The following ANO3 variants were observed in gnomAD, a reference collection of about 807,000 sequenced individuals.
The protein encoded by ANO3 is anoctamin-3.
ANO3 carries 99 observed loss-of-function variants against 144.8 expected under a neutral mutation model. That is an observed-to-expected ratio of 0.68 (90% confidence interval 0.58 to 0.81). The LOEUF (loss-of-function observed/expected upper bound fraction) is 0.81. ANO3 is among the 30% of genes least tolerant of loss of function. The pLI, the probability that ANO3 is intolerant of heterozygous loss-of-function variation, is 0.00. For missense variants in ANO3, 905 were observed against 1,202.2 expected (o/e 0.75, Z 3.66); for synonymous variants, 414 against 392.6 (o/e 1.05, Z -0.64).
chr11:26,507,499 T>G (rs2134135768), intron 4 of ANO3, among the ~76,000 whole-genome samples: 1 of 152,320 alleles, frequency 6.6e-6, no homozygotes, highest in South Asian at 2.1e-4. Context: ...GGAACAAGTA[T>G]TTCCCAGAGC....
chr11:26,503,873 G>A (rs10834991), intron 4 of ANO3, among the ~76,000 whole-genome samples: 91,016 of 151,206 alleles, frequency 0.6, 27,944 homozygotes, highest in East Asian at 0.68. Context: ...AAAGCATATA[G>A]AATACTTTTA....
At chr11:26,253,577 A>C (rs78111945) in intron 1 of ANO3, among the ~76,000 whole-genome samples, 1 of 151,790 alleles carries the variant, frequency 6.6e-6, no homozygotes, top group Non-Finnish European at 1.5e-5. Context: ...AAAAAAAAAA[A>C]CCTCACTGGA....
intron 1 of ANO3, among the ~76,000 whole-genome samples, chr11:26,355,862 C>G (rs551661670): frequency 6.6e-6 from 1 of 152,056 alleles, no homozygotes; most frequent in Non-Finnish European, 1.5e-5. Context: ...GCCAAGCCCC[C>G]GCCGAAAATT....
chr11:26,466,065 T>C (rs1859592034), intron 4 of ANO3, among the ~76,000 whole-genome samples: 1 of 151,924 alleles, frequency 6.6e-6, no homozygotes, highest in Non-Finnish European at 1.5e-5. Flanking sequence ...TGAAGGGACA[T>C]TGATAAATAA....
chr11:26,653,615 C>T lies in ANO3; in HGVS notation c.2577-2510C>T, dbSNP rs142107800. ...GAGCTTCTTCTCTGAGCTCGTTTTC[C>T]GGCACTATTTCCCTCCCTCCCTTTG... is the stretch of plus-strand genomic sequence containing the variant. On this transcript the variant is annotated intron_variant, in intron 24 of 26. Coordinates refer to ENST00000256737, the MANE Select transcript of ANO3 (RefSeq NM_031418.4). 1.9e-4 allele frequency among the ~76,000 whole-genome samples: 29 copies of T among 152,028 alleles called. 1 individual carries two copies. The highest frequency in any genetic ancestry group is 1.9e-4 in the African/African-American group (8 of 41,450).
At chr11:26,554,806 C>T (rs549528719) in intron 13 of ANO3, among the ~76,000 whole-genome samples, 1 of 152,250 alleles carries the variant, frequency 6.6e-6, no homozygotes, top group Non-Finnish European at 1.5e-5. Flanking sequence ...AGGCAGTAAT[C>T]TGAGGAGTAA....
At chr11:26,308,623 T>C (rs1465742745), upstream of ANO3, among the ~76,000 whole-genome samples, 4 of 152,180 alleles carry the variant, frequency 2.6e-5, no homozygotes, top group African/African-American at 7.2e-5. Flanking sequence ...AGGCAACTTA[T>C]ATTAAAATGA....
chr11:26,488,939 T>C (rs1860584298), intron 4 of ANO3, among the ~76,000 whole-genome samples: 1 of 152,112 alleles, frequency 6.6e-6, no homozygotes, highest in Non-Finnish European at 1.5e-5. Context: ...TATAGAGTGC[T>C]GATTGGTATG....
rs756715923 is a variant in ANO3, at chr11:26,262,198, A to G, written c.155-47447A>G. 6.6e-4 allele frequency among the ~76,000 whole-genome samples: 100 copies of G among 152,196 alleles called. 1 individual carries two copies. Among genetic ancestry groups the G allele is most frequent in the Non-Finnish European group, 9.7e-4 (66 of 68,036 alleles). On this transcript the variant is annotated intron_variant, in intron 1 of 27. Coordinates refer to the ANO3 transcript ENST00000672621. Reference sequence around the variant, plus strand: ...AACTACAAGAATATTTTTCTGTATTAATTTCAAGCTTATACTTCTGTGAAA... The same window carrying G: ...AACTACAAGAATATTTTTCTGTATTGATTTCAAGCTTATACTTCTGTGAAA...
At chr11:26,399,163 TCTCATAGC>T (rs754567233) in intron 1 of ANO3, among the ~76,000 whole-genome samples, 25 of 151,950 alleles carry the variant, frequency 1.6e-4, no homozygotes, top group Non-Finnish European at 2.8e-4. Flanking sequence ...TTTTTCGCTG[TCTCATAGC>T]CCCATGTTAC....
intron 1 of ANO3, among the ~76,000 whole-genome samples, chr11:26,326,338 G>C (rs1018244667): frequency 1.3e-5 from 2 of 152,032 alleles, no homozygotes; most frequent in African/African-American, 4.8e-5. Flanking sequence ...TAAGGTATCA[G>C]TAAGCAAAAT....
At chr11:26,572,197 G>A (rs1013102710) in intron 14 of ANO3, 1 of 985,446 alleles carries the variant, frequency 1.0e-6, no homozygotes, top group Non-Finnish European at 1.2e-6. Flanking sequence ...GGTGGGGCTG[G>A]CTGTATCTTG....
intron 1 of ANO3, among the ~76,000 whole-genome samples, chr11:26,416,627 A>G (rs892202081): frequency 2.6e-5 from 4 of 151,832 alleles, no homozygotes; most frequent in Admixed American, 2.6e-4. Context: ...GGGTTTCACC[A>G]TGTTGGCCAG....
chr11:26,553,785 C>G (rs1035311661), intron 13 of ANO3, among the ~76,000 whole-genome samples: 7 of 152,112 alleles, frequency 4.6e-5, no homozygotes, highest in African/African-American at 1.7e-4. Context: ...ACTCCTGAAG[C>G]TCAGATCAAC....
At chr11:26,381,392 C>T (rs1856585612) in intron 1 of ANO3, among the ~76,000 whole-genome samples, 2 of 152,166 alleles carry the variant, frequency 1.3e-5, no homozygotes, top group Admixed American at 1.3e-4. Context: ...GAGCCAGCTA[C>T]TCATCATCAG....
chr11:26,421,870 T>A (rs929192526), intron 1 of ANO3, among the ~76,000 whole-genome samples: 1 of 152,114 alleles, frequency 6.6e-6, no homozygotes, highest in Non-Finnish European at 1.5e-5. Context: ...TCGCATGTTC[T>A]CACTTTTATA....
intron 1 of ANO3, among the ~76,000 whole-genome samples, chr11:26,437,231 C>T (rs1357885122): frequency 6.6e-6 from 1 of 152,294 alleles, no homozygotes; most frequent in East Asian, 1.9e-4. Flanking sequence ...GAGTTGCAGC[C>T]ACTTTTGCCA....
chr11:26,535,429 T>A (rs1220429131), intron 9 of ANO3, among the ~76,000 whole-genome samples: 1 of 152,118 alleles, frequency 6.6e-6, no homozygotes, highest in Non-Finnish European at 1.5e-5. Flanking sequence ...GACGAAATGC[T>A]TGAAGGGATC....
At chr11:26,332,369 CT>C (rs781477636) in intron 1 of ANO3, 48 bp downstream of exon 1, 22 of 1,589,958 alleles carry the variant, frequency 1.4e-5, no homozygotes, top group Non-Finnish European at 1.7e-5. Flanking sequence ...CACTTCCCCC[CT>C]GCATGCCCTT....
Sources: gnomAD v4.1 joint callset for allele counts (sites outside exome capture counted in the v4.1 genomes callset) on GRCh38, gnomAD v4.1.1 for gene constraint, MANE v1.5 for transcripts, NCBI Gene and HGNC (gene_info 2026-07-23, HGNC 2026-07-21) for gene names.